The following IFNGR1 variants were observed in gnomAD, a reference collection of about 807,000 sequenced individuals.
IFNGR1 encodes AVP, type 2.
A neutral mutation model predicts 35.4 loss-of-function variants in IFNGR1; 23 were observed. That is an observed-to-expected ratio of 0.65 (90% CI 0.47 to 0.92). The LOEUF (loss-of-function observed/expected upper bound fraction) is 0.92. Ranked by LOEUF, IFNGR1 falls within the 40% of genes least tolerant of loss-of-function variation. The pLI, the probability that IFNGR1 is intolerant of heterozygous loss-of-function variation, is 0.00. For missense variants in IFNGR1, 533 were observed against 583.4 expected, an observed-to-expected ratio of 0.91 and a Z score of 0.89; for synonymous variants, 199 against 209.5, an observed-to-expected ratio of 0.95 and a Z score of 0.43.
chr6:137,213,653 G>C (rs377542290), intron 1 of IFNGR1, among the ~76,000 whole-genome samples: 1 of 152,156 alleles, frequency 6.6e-6, no homozygotes, highest in Non-Finnish European at 1.5e-5. Context: ...TGCTATCGAC[G>C]GGACCATAAC....
At chr6:137,200,688 TA>T (rs75537328) in intron 6 of IFNGR1, among the ~76,000 whole-genome samples, 192 bp downstream of exon 6, 33,625 of 147,246 alleles carry the variant, frequency 0.23, 4,376 homozygotes, top group South Asian at 0.55. Context: ...TCCCTGAGAA[TA>T]AAAAAAAAAA....
intron 1 of IFNGR1, among the ~76,000 whole-genome samples, chr6:137,208,312 A>C (rs545655441): frequency 2.6e-5 from 4 of 152,332 alleles, no homozygotes; most frequent in African/African-American, 9.6e-5. Context: ...TCTGGGGAGA[A>C]ATTCAAGCTG....
chr6:137,204,626 G>A (rs1779386440), intron 3 of IFNGR1, 122 bp from the exon 4 acceptor site: 2 of 832,804 alleles, frequency 2.4e-6, no homozygotes, highest in Non-Finnish European at 4.0e-6. Context: ...TCTAAAGCAG[G>A]ACCACATTTA....
At position 137,202,395 on chromosome 6, in the gene IFNGR1, C is replaced by T. The variant is rs180967258; in HGVS notation, c.733+1104G>A. Among the ~76,000 whole-genome samples, 260 of 152,194 alleles carry T rather than the reference C, an allele frequency of 1.7e-3. 3 individuals carry two copies. Among genetic ancestry groups the T allele is most frequent in the Non-Finnish European group, 2.0e-3 (136 of 67,998 alleles). On this transcript the variant is annotated intron_variant, in intron 5 of 6. Transcript: ENST00000367739. Reference sequence around the variant, plus strand: ...GGGTTTTATTTTTCAAATAGCATAACGAAAATTAGCATAAAATGCATTGCA... The same window carrying T: ...GGGTTTTATTTTTCAAATAGCATAATGAAAATTAGCATAAAATGCATTGCA...
intron 1 of IFNGR1, among the ~76,000 whole-genome samples, chr6:137,211,358 A>G (rs1162154578): frequency 6.6e-6 from 1 of 152,238 alleles, no homozygotes. Flanking sequence ...GGCTCCCCTC[A>G]AACAAATGAA....
At chr6:137,201,093 AG>A in intron 5 of IFNGR1, 85 bp from the exon 6 acceptor site, 4 of 1,407,226 alleles carry the variant, frequency 2.8e-6, no homozygotes, top group Non-Finnish European at 4.0e-6. Flanking sequence ...ATTCTTGAAT[AG>A]ATTTACAAAT....
chr6:137,212,245 G>A (rs1025926973), intron 1 of IFNGR1, among the ~76,000 whole-genome samples: 1 of 152,090 alleles, frequency 6.6e-6, no homozygotes, highest in Non-Finnish European at 1.5e-5. Flanking sequence ...GAAATCCTTT[G>A]CTTCCTTTTA....
At chr6:137,204,849 C>G (rs1197113711) in intron 3 of IFNGR1, among the ~76,000 whole-genome samples, 1 of 152,086 alleles carries the variant, frequency 6.6e-6, no homozygotes, top group Non-Finnish European at 1.5e-5. Flanking sequence ...TTTATCTTTG[C>G]TTCTGTGGAT....
chr6:137,205,226 G>A (rs1779402424), intron 3 of IFNGR1, among the ~76,000 whole-genome samples: 1 of 152,182 alleles, frequency 6.6e-6, no homozygotes, highest in African/African-American at 2.4e-5. Flanking sequence ...GGAAGAGCCT[G>A]TAGAAGAGAC....
chr6:137,203,473 T>C (rs1036944408), intron 5 of IFNGR1, 26 bp downstream of exon 5: 1 of 1,264,772 alleles, frequency 7.9e-7, no homozygotes, highest in Admixed American at 1.7e-5. Context: ...CCCTCTATAT[T>C]TAGAAAAAAA....
At chr6:137,215,464 G>T in intron 1 of IFNGR1, 2 of 753,546 alleles carry the variant, frequency 2.7e-6, no homozygotes, top group Non-Finnish European at 2.0e-6. Flanking sequence ...TGATTACTAT[G>T]CATTAGGATA....
At chr6:137,212,206 A>AC (rs1222216853) in intron 1 of IFNGR1, among the ~76,000 whole-genome samples, 3 of 151,254 alleles carry the variant, frequency 2.0e-5, no homozygotes, top group South Asian at 2.1e-4. Flanking sequence ...CATAGCAAGG[A>AC]CCCCCCTTCC....
chr6:137,207,613 T>C (rs1410059609), intron 1 of IFNGR1, among the ~76,000 whole-genome samples: 1 of 152,284 alleles, frequency 6.6e-6, no homozygotes, highest in East Asian at 1.9e-4. Flanking sequence ...TCATGAGATA[T>C]GATGGGTTTA....
At chr6:137,217,810 T>TA (rs1383489686) in intron 1 of IFNGR1, among the ~76,000 whole-genome samples, 1 of 152,242 alleles carries the variant, frequency 6.6e-6, no homozygotes, top group Non-Finnish European at 1.5e-5. Context: ...CTTCTCCACC[T>TA]AACCTATCTC....
At chr6:137,204,614 G>T in intron 3 of IFNGR1, 110 bp from the exon 4 acceptor site, 2 of 939,670 alleles carry the variant, frequency 2.1e-6, no homozygotes, top group Non-Finnish European at 3.4e-6. Context: ...TGTTCTGGTT[G>T]TTCTAAAGCA....
intron 1 of IFNGR1, among the ~76,000 whole-genome samples, chr6:137,214,455 T>G (rs1264139642): frequency 1.3e-5 from 2 of 152,206 alleles, no homozygotes; most frequent in Non-Finnish European, 2.9e-5. Context: ...AGGTGATGTT[T>G]CAAGTGTTCA....
At chr6:137,219,136 C>T (rs566925297) in intron 1 of IFNGR1, 107 bp downstream of exon 1, 21 of 1,449,762 alleles carry the variant, frequency 1.4e-5, no homozygotes, top group South Asian at 6.2e-5. Flanking sequence ...GCAGGGGTCC[C>T]GGGCTAGGGC....
In IFNGR1 at chr6:137,199,276, A is replaced by T. The variant is rs575885554; in HGVS notation, c.862-637T>A. ...AATAATACTAAATAAACTCCCCTTTATATATATATATATGAAAAATATAAT... is the reference window on the plus strand; with the variant it reads ...AATAATACTAAATAAACTCCCCTTTTTATATATATATATGAAAAATATAAT... On this transcript the variant is annotated intron_variant, in intron 6 of 6. Transcript: ENST00000367739. Among the ~76,000 whole-genome samples the T allele has an allele frequency of 7.5e-3, 1,020 of 136,276 alleles. 9 individuals carry two copies. Among genetic ancestry groups the T allele is most frequent in the Non-Finnish European group, 0.011 (706 of 65,150 alleles). 89.4% of individuals were successfully genotyped at this position (136,276 alleles called of 152,430 possible).
At chr6:137,200,613 T>C (rs56002652) in intron 6 of IFNGR1, among the ~76,000 whole-genome samples, 186 of 152,256 alleles carry the variant, frequency 1.2e-3, no homozygotes, top group Non-Finnish European at 2.1e-3. Context: ...ATATAGCCAA[T>C]GTATATTTAT....
Sources: gnomAD v4.1 joint callset for allele counts (sites outside exome capture counted in the v4.1 genomes callset) on GRCh38, gnomAD v4.1.1 for gene constraint, MANE v1.5 for transcripts, NCBI Gene and HGNC (gene_info 2026-07-23, HGNC 2026-07-21) for gene names.